BTBD9: variants seen among roughly 807,000 people sequenced by gnomAD.
BTBD9 encodes BTB/POZ domain-containing protein 9.
A neutral mutation model predicts 64.3 loss-of-function variants in BTBD9; 49 were observed. That is an observed-to-expected ratio of 0.76 (90% confidence interval 0.61 to 0.97). The LOEUF is 0.97. Among genes scored for constraint, BTBD9 ranks in the 50% least tolerant of loss-of-function variants. The probability of loss-of-function intolerance (pLI) is 0.00; values close to 1 mark genes in which losing one functional copy is unlikely to be tolerated. For missense variants in BTBD9, 598 were observed against 762.1 expected (o/e 0.78, Z 2.53); for synonymous variants, 260 against 274.7 (o/e 0.95, Z 0.53).
chr6:38,594,228 G>A lies in BTBD9; in HGVS notation c.285C>T (p.Ile95=). 1.2e-6 allele frequency: 2 copies of A among 1,614,182 alleles called. No individual in the cohort carries two copies. The highest frequency in any genetic ancestry group is 2.2e-5 in the South Asian group (2 of 91,082). The change falls in exon 3 of 11, where the codon ATC becomes ATT. Residue 95 remains isoleucine, a synonymous_variant. Transcript: ENST00000481247. ...AEAFTMLLKY[I]YTGRATLTDE... is the part of the protein sequence containing the mutation. ...CTGTCAGCGTTGCCCGCCCAGTGTA[G>A]ATATATTTGAGTAGCATTGTGAATG...
intron 7 of BTBD9, among the ~76,000 whole-genome samples, chr6:38,338,535 A>G (rs1277519179): frequency 6.6e-6 from 1 of 152,170 alleles, no homozygotes; most frequent in Non-Finnish European, 1.5e-5. Context: ...TCTTATTCCT[A>G]TTCTTTGAAA....
intron 4 of BTBD9, among the ~76,000 whole-genome samples, chr6:38,591,242 T>G (rs1458902675): frequency 6.6e-6 from 1 of 152,194 alleles, no homozygotes; most frequent in Non-Finnish European, 1.5e-5. Flanking sequence ...AGCCTTCTAC[T>G]CTAATCAAGC....
chr6:38,634,424 AT>A (rs1778463055), intron 1 of BTBD9, among the ~76,000 whole-genome samples: 1 of 152,050 alleles, frequency 6.6e-6, no homozygotes. Flanking sequence ...GGTTTTGCTC[AT>A]TTCACCCATC....
At chr6:38,485,483 T>C (rs1334448092) in intron 6 of BTBD9, among the ~76,000 whole-genome samples, 1 of 152,226 alleles carries the variant, frequency 6.6e-6, no homozygotes, top group Non-Finnish European at 1.5e-5. Flanking sequence ...GGCTGCAGAA[T>C]GGATGTTGTG....
intron 8 of BTBD9, among the ~76,000 whole-genome samples, chr6:38,256,973 A>C (rs1201071961): frequency 6.6e-6 from 1 of 151,980 alleles, no homozygotes; most frequent in Non-Finnish European, 1.5e-5. Context: ...TTGTGTAAAC[A>C]GTGGAGGCTC....
intron 6 of BTBD9, among the ~76,000 whole-genome samples, chr6:38,349,246 A>C (rs1317251625): frequency 6.6e-6 from 1 of 152,136 alleles, no homozygotes; most frequent in Non-Finnish European, 1.5e-5. Flanking sequence ...AATAACACGA[A>C]CTTTACAGGG....
intron 6 of BTBD9, among the ~76,000 whole-genome samples, chr6:38,430,357 TCA>T (rs1768390734): frequency 6.7e-6 from 1 of 149,394 alleles, no homozygotes; most frequent in Admixed American, 6.7e-5. Flanking sequence ...CTAGCTGGGA[TCA>T]CAGGCTTGTG....
At chr6:38,321,992 A>C (rs1431138240) in intron 7 of BTBD9, among the ~76,000 whole-genome samples, 1 of 151,926 alleles carries the variant, frequency 6.6e-6, no homozygotes, top group East Asian at 1.9e-4. Context: ...ATTTCCTAAA[A>C]AGAGCCTTCT....
intron 6 of BTBD9, among the ~76,000 whole-genome samples, chr6:38,378,768 G>A (rs1211132584): frequency 6.6e-6 from 1 of 151,382 alleles, no homozygotes; most frequent in South Asian, 2.1e-4. Flanking sequence ...CAGCTACTCG[G>A]GAGGCTGAGG....
chr6:38,461,119 C>A (rs192180612), intron 6 of BTBD9, among the ~76,000 whole-genome samples: 1 of 152,196 alleles, frequency 6.6e-6, no homozygotes, highest in Non-Finnish European at 1.5e-5. Flanking sequence ...TAGTTACAGA[C>A]CTCACATTCC....
chr6:38,381,342 A>C (rs889441992), intron 6 of BTBD9, among the ~76,000 whole-genome samples: 2 of 152,214 alleles, frequency 1.3e-5, no homozygotes, highest in Non-Finnish European at 2.9e-5. Context: ...CAGACATTAA[A>C]GCAAAAAGCA....
intron 6 of BTBD9, among the ~76,000 whole-genome samples, chr6:38,458,377 G>A (rs1032648221): frequency 5.9e-5 from 9 of 152,008 alleles, no homozygotes; most frequent in African/African-American, 4.8e-5. Flanking sequence ...TCCTAAAAAC[G>A]CAAAAGGACC....
At chr6:38,417,645 G>A (rs1221637913) in intron 6 of BTBD9, among the ~76,000 whole-genome samples, 4 of 152,058 alleles carry the variant, frequency 2.6e-5, no homozygotes, top group Admixed American at 2.6e-4. Flanking sequence ...ATGGTGGCAC[G>A]TGCCTATAGT....
At chr6:38,552,248 G>C (rs936840114) in intron 6 of BTBD9, among the ~76,000 whole-genome samples, 1 of 152,098 alleles carries the variant, frequency 6.6e-6, no homozygotes, top group Non-Finnish European at 1.5e-5. Flanking sequence ...TATAGAAATC[G>C]GAAGCAGTGT....
chr6:38,439,013 G>C (rs1026876438), intron 6 of BTBD9, among the ~76,000 whole-genome samples: 1 of 152,002 alleles, frequency 6.6e-6, no homozygotes, highest in Non-Finnish European at 1.5e-5. Flanking sequence ...AGCGTGTCCT[G>C]GAGTGAAGAA....
chr6:38,196,068 T>A (rs952507298), intron 9 of BTBD9, among the ~76,000 whole-genome samples: 2 of 152,230 alleles, frequency 1.3e-5, no homozygotes, highest in African/African-American at 4.8e-5. Context: ...TTACGCCAAG[T>A]ATTCCAGTGG....
chr6:38,243,072 A>C (rs748414112), intron 9 of BTBD9, among the ~76,000 whole-genome samples: 1 of 151,448 alleles, frequency 6.6e-6, no homozygotes, highest in Non-Finnish European at 1.5e-5. Context: ...GGAGACTTGA[A>C]GATCAGCCAG....
At chr6:38,325,609 C>T (rs1175143881) in intron 7 of BTBD9, among the ~76,000 whole-genome samples, 4 of 152,064 alleles carry the variant, frequency 2.6e-5, no homozygotes, top group African/African-American at 7.2e-5. Flanking sequence ...GGCATGAACC[C>T]GGGAGGTGGA....
intron 6 of BTBD9, among the ~76,000 whole-genome samples, chr6:38,572,367 T>C (rs1775808362): frequency 6.6e-6 from 1 of 152,158 alleles, no homozygotes; most frequent in South Asian, 2.1e-4. Flanking sequence ...CTAAATTTCC[T>C]GTTGTAAGTG....
Sources: gnomAD v4.1 joint callset for allele counts (sites outside exome capture counted in the v4.1 genomes callset) on GRCh38, gnomAD v4.1.1 for gene constraint, MANE v1.5 for transcripts, NCBI Gene and HGNC (gene_info 2026-07-23, HGNC 2026-07-21) for gene names.